Variants in PREX2 observed in about 807,000 individuals in gnomAD.
The protein encoded by PREX2 is phosphatidylinositol 3,4,5-trisphosphate-dependent Rac exchanger 2 protein.
Under a neutral mutation model 203.2 loss-of-function variants are expected in PREX2, and 107 were observed. The ratio of observed to expected loss-of-function variants is 0.53; its 90% CI spans 0.45 to 0.62. The LOEUF (loss-of-function observed/expected upper bound fraction) is 0.62, where lower values mean the gene tolerates loss of function less well. Ranked by LOEUF, PREX2 falls within the 20% of genes least tolerant of loss-of-function variation. The pLI is 0.00. For synonymous variants in PREX2, 672 were observed against 663.6 expected (o/e 1.01, Z -0.19); for missense variants, 1,777 against 1,955.9 (o/e 0.91, Z 1.72).
intron 20 of PREX2, among the ~76,000 whole-genome samples, chr8:68,091,149 A>T (rs942618224): frequency 1.3e-5 from 2 of 152,210 alleles, no homozygotes. Context: ...TATAAGGTCC[A>T]TGATTGATTT....
At chr8:68,126,372 A>C (rs902023252) in intron 30 of PREX2, among the ~76,000 whole-genome samples, 3 of 152,164 alleles carry the variant, frequency 2.0e-5, no homozygotes, top group African/African-American at 7.2e-5. Context: ...GACCTGTAAA[A>C]TAGATAAGGC....
chr8:68,047,776 G>A (rs7460244), intron 8 of PREX2, among the ~76,000 whole-genome samples: 2,254 of 151,594 alleles, frequency 0.015, 49 homozygotes, highest in African/African-American at 0.052. Flanking sequence ...CTCTATGTAT[G>A]ATAAAATAGT....
chr8:67,979,391 G>A (rs570129714), intron 1 of PREX2, among the ~76,000 whole-genome samples: 113 of 152,172 alleles, frequency 7.4e-4, no homozygotes, highest in African/African-American at 2.7e-3. Context: ...CTTTTTTGGT[G>A]TATCACTGGG....
chr8:67,958,224 G>A (rs1300274104), intron 1 of PREX2, among the ~76,000 whole-genome samples: 1 of 152,194 alleles, frequency 6.6e-6, no homozygotes, highest in African/African-American at 2.4e-5. Flanking sequence ...TATGGGAGCT[G>A]CGACACTAGA....
chr8:68,158,099 GTA>G (rs1362708243), intron 35 of PREX2, among the ~76,000 whole-genome samples: 15 of 54,992 alleles, frequency 2.7e-4, no homozygotes, highest in Middle Eastern at 0.017. Context: ...ATATATATGT[GTA>G]TATATATGTG....
chr8:68,125,130 G>A (rs993079503), intron 30 of PREX2, among the ~76,000 whole-genome samples: 2 of 152,096 alleles, frequency 1.3e-5, no homozygotes, highest in Non-Finnish European at 2.9e-5. Flanking sequence ...AGTTAAAAAA[G>A]CATTAGGATC....
intron 1 of PREX2, among the ~76,000 whole-genome samples, chr8:67,983,850 C>G (rs923165681): frequency 6.6e-6 from 1 of 152,202 alleles, no homozygotes; most frequent in African/African-American, 2.4e-5. Context: ...ATCTCTGTCT[C>G]CTTCCATTTT....
chr8:68,084,958 A>G (rs1164643609), intron 18 of PREX2, among the ~76,000 whole-genome samples: 2 of 152,182 alleles, frequency 1.3e-5, no homozygotes, highest in East Asian at 3.8e-4. Flanking sequence ...CTGAATAAAT[A>G]GGAGCAAATC....
intron 34 of PREX2, among the ~76,000 whole-genome samples, chr8:68,146,904 T>C (rs1811338872): frequency 6.6e-6 from 1 of 152,176 alleles, no homozygotes; most frequent in African/African-American, 2.4e-5. Context: ...ACTATCAACA[T>C]CTGCAGTAGA....
chr8:67,987,912 A>AGTATGTGTGTGTGTGTGTGT (rs139568645), intron 1 of PREX2, among the ~76,000 whole-genome samples: 14 of 150,796 alleles, frequency 9.3e-5, no homozygotes, highest in African/African-American at 1.9e-4. Flanking sequence ...GCAGCCAGGG[A>AGTATGTGTGTGTGTGTGTGT]GTGTGTGTGT....
intron 11 of PREX2, among the ~76,000 whole-genome samples, chr8:68,064,419 C>T (rs2129611440): frequency 6.6e-6 from 1 of 152,188 alleles, no homozygotes; most frequent in African/African-American, 2.4e-5. Flanking sequence ...CTAGAGTACC[C>T]AGCCAGTGGT....
chr8:68,043,999 TAGG>T (rs976052921), intron 7 of PREX2, among the ~76,000 whole-genome samples: 6 of 152,176 alleles, frequency 3.9e-5, no homozygotes, highest in Admixed American at 1.3e-4. Flanking sequence ...AAAAATATGA[TAGG>T]AGAAATATTT....
At chr8:68,041,501 A>C (rs1259462943) in intron 7 of PREX2, among the ~76,000 whole-genome samples, 1 of 152,176 alleles carries the variant, frequency 6.6e-6, no homozygotes, top group Non-Finnish European at 1.5e-5. Context: ...ATGTATCTTC[A>C]TGAGAGGGAA....
intron 1 of PREX2, among the ~76,000 whole-genome samples, chr8:68,004,333 T>G (rs1391783451): frequency 6.6e-6 from 1 of 152,268 alleles, no homozygotes. Flanking sequence ...TTATCATCTT[T>G]GCTATGACTA....
At chr8:68,107,213 G>A (rs1810435044) in intron 23 of PREX2, among the ~76,000 whole-genome samples, 1 of 152,152 alleles carries the variant, frequency 6.6e-6, no homozygotes, top group African/African-American at 2.4e-5. Context: ...AAAGGAAACA[G>A]TTCGGCAATG....
chr8:68,061,018 T>G (rs1376051401), intron 11 of PREX2, among the ~76,000 whole-genome samples: 2 of 151,832 alleles, frequency 1.3e-5, no homozygotes, highest in East Asian at 3.9e-4. Flanking sequence ...AATAGAGAAG[T>G]GGGATTGTGG....
At chr8:68,102,549 A>G (rs1208531159) in intron 23 of PREX2, among the ~76,000 whole-genome samples, 2 of 152,186 alleles carry the variant, frequency 1.3e-5, no homozygotes, top group African/African-American at 4.8e-5. Context: ...TGTCAACAGA[A>G]CCCATAGCAT....
chr8:67,986,703 A>G (rs1239523279), intron 1 of PREX2, among the ~76,000 whole-genome samples: 3 of 152,140 alleles, frequency 2.0e-5, no homozygotes, highest in Non-Finnish European at 4.4e-5. Context: ...CGAGAACCTT[A>G]TGGAGTTGAA....
Position 68,021,247 on chromosome 8 carries a change from T to C in PREX2, c.337-789T>C, listed in dbSNP as rs541575558. Among the ~76,000 whole-genome samples the C allele has an allele frequency of 8.5e-4, 129 of 152,194 alleles. 1 individual carries two copies. Among genetic ancestry groups the C allele is most frequent in the Middle Eastern group, 3.4e-3 (1 of 294 alleles). On this transcript the variant is annotated intron_variant, in intron 3 of 39. Transcript: ENST00000288368. ...TGTTGATCCCAAATCTGCCCATCAC[T>C]GCCCTTGCGACATCCACCACTGCCT...
Sources: allele counts gnomAD v4.1 joint callset (sites outside exome capture counted in the v4.1 genomes callset), GRCh38; gene constraint gnomAD v4.1.1; transcripts MANE v1.5; gene names NCBI Gene and HGNC (gene_info 2026-07-23, HGNC 2026-07-21).